F13A1: variants seen among roughly 807,000 people sequenced by gnomAD.
F13A1 encodes FSF, A subunit.
F13A1 carries 47 observed loss-of-function variants against 80.1 expected under a neutral mutation model. The ratio of observed to expected loss-of-function variants is 0.59; its 90% CI spans 0.46 to 0.75. The LOEUF (loss-of-function observed/expected upper bound fraction) is 0.75, where lower values mean the gene tolerates loss of function less well. F13A1 is among the 30% of genes least tolerant of loss of function. The pLI is 0.00. For synonymous variants in F13A1, 349 were observed against 344.9 expected, an observed-to-expected ratio of 1.01 and a Z score of -0.13; for missense variants, 817 against 930.4, an observed-to-expected ratio of 0.88 and a Z score of 1.59.
chr6:6,146,982 G>A (rs959137211), intron 14 of F13A1, among the ~76,000 whole-genome samples: 1 of 152,184 alleles, frequency 6.6e-6, no homozygotes, highest in Non-Finnish European at 1.5e-5. Context: ...CCATAAAAAG[G>A]AATGAAACAA....
chr6:6,248,570 A>C, intron 5 of F13A1, 151 bp from the exon 6 acceptor site: 1 of 686,248 alleles, frequency 1.5e-6, no homozygotes, highest in Admixed American at 2.3e-5. Flanking sequence ...ATGAAATATT[A>C]AAGTAGAAGG....
intron 4 of F13A1, among the ~76,000 whole-genome samples, chr6:6,264,307 A>C (rs1757815432): frequency 6.6e-6 from 1 of 152,238 alleles, no homozygotes; most frequent in African/African-American, 2.4e-5. Context: ...AAGTCTGGGT[A>C]AATTATAGCA....
intron 6 of F13A1, among the ~76,000 whole-genome samples, chr6:6,233,269 A>C (rs1757375503): frequency 6.6e-6 from 1 of 152,188 alleles, no homozygotes; most frequent in Admixed American, 6.5e-5. Flanking sequence ...AGGAGATATT[A>C]CAACTGACAC....
At chr6:6,170,707 A>T (rs1483786968) in intron 12 of F13A1, among the ~76,000 whole-genome samples, 1 of 152,184 alleles carries the variant, frequency 6.6e-6, no homozygotes, top group African/African-American at 2.4e-5. Context: ...AGCTGATTCC[A>T]GCACACACAT....
chr6:6,255,125 A>G (rs1711508829), intron 4 of F13A1, among the ~76,000 whole-genome samples: 1 of 152,208 alleles, frequency 6.6e-6, no homozygotes, highest in South Asian at 2.1e-4. Context: ...TTAGTGCCCT[A>G]TGGAGGCGGG....
At chr6:6,195,943 C>T in intron 9 of F13A1, 58 bp from the exon 10 acceptor site, 1 of 1,479,874 alleles carries the variant, frequency 6.8e-7, no homozygotes, top group Non-Finnish European at 9.4e-7. Context: ...TGTCCAGATA[C>T]TGCAAGATTC....
At chr6:6,294,116 T>A (rs1264738550) in intron 3 of F13A1, among the ~76,000 whole-genome samples, 1 of 152,188 alleles carries the variant, frequency 6.6e-6, no homozygotes, top group Non-Finnish European at 1.5e-5. Context: ...AAAAAAAAGT[T>A]TTTTTAAGTA....
At chr6:6,310,685 G>C (rs2113193258) in intron 2 of F13A1, among the ~76,000 whole-genome samples, 1 of 152,298 alleles carries the variant, frequency 6.6e-6, no homozygotes, top group African/African-American at 2.4e-5. Flanking sequence ...AAGTTGGTGT[G>C]AGGATTAAAT....
intron 8 of F13A1, among the ~76,000 whole-genome samples, chr6:6,201,897 C>G (rs1294269171): frequency 1.3e-5 from 2 of 152,088 alleles, no homozygotes; most frequent in Non-Finnish European, 2.9e-5. Flanking sequence ...TTTCAATATA[C>G]AGTAGTGTCA....
chr6:6,207,201 G>C (rs575402059), intron 8 of F13A1, among the ~76,000 whole-genome samples: 1 of 152,234 alleles, frequency 6.6e-6, no homozygotes, highest in Non-Finnish European at 1.5e-5. Flanking sequence ...AGCCTCAGTA[G>C]CTTTGCAAAC....
intron 4 of F13A1, among the ~76,000 whole-genome samples, chr6:6,257,512 C>T (rs1298464892): frequency 1.3e-5 from 2 of 152,092 alleles, no homozygotes; most frequent in African/African-American, 2.4e-5. Flanking sequence ...TGCTTCTTTC[C>T]TTTTAGCCCC....
chr6:6,195,316 AG>A (rs1320326127), intron 10 of F13A1, among the ~76,000 whole-genome samples: 1 of 152,154 alleles, frequency 6.6e-6, no homozygotes, highest in East Asian at 1.9e-4. Flanking sequence ...CCCTGGCCAC[AG>A]GTGATGGTGT....
In F13A1 at chr6:6,281,240, A is replaced by G. The variant is rs555199826; in HGVS notation, c.320-14431T>C. On this transcript the variant is annotated intron_variant, in intron 3 of 14. Coordinates refer to ENST00000264870, the MANE Select transcript of F13A1 (RefSeq NM_000129.4). ...ATTCCTTCATATCTTAAATGAATAA[A>G]TTGCCATAATAGAATTTCACTCATT... Among the ~76,000 whole-genome samples the G allele has an allele frequency of 5.3e-5, 8 of 152,358 alleles. No individual in the cohort carries two copies. In the South Asian group the frequency reaches 1.7e-3, roughly 32 times the overall value.
intron 12 of F13A1, among the ~76,000 whole-genome samples, chr6:6,168,610 A>G (rs978907048): frequency 2.0e-5 from 3 of 152,196 alleles, no homozygotes; most frequent in Non-Finnish European, 2.9e-5. Context: ...ACCTTCACAG[A>G]ACTGAATGTC....
intron 2 of F13A1, among the ~76,000 whole-genome samples, chr6:6,315,110 A>G (rs1248703760): frequency 6.6e-6 from 1 of 152,232 alleles, no homozygotes; most frequent in African/African-American, 2.4e-5. Context: ...AATTACTGCT[A>G]CAAATGGTCG....
At chr6:6,242,709 A>AC (rs979899172) in intron 6 of F13A1, among the ~76,000 whole-genome samples, 4 of 152,050 alleles carry the variant, frequency 2.6e-5, no homozygotes, top group African/African-American at 9.7e-5. Context: ...AGAGCAAATA[A>AC]CCCTCTACTA....
chr6:6,318,410 T>G, intron 2 of F13A1, 125 bp downstream of exon 2: 1 of 1,236,938 alleles, frequency 8.1e-7, no homozygotes, highest in Non-Finnish European at 1.1e-6. Context: ...AAACCAGAGA[T>G]TGGCAGGGGG....
intron 2 of F13A1, among the ~76,000 whole-genome samples, chr6:6,306,070 C>A (rs998249723): frequency 6.6e-6 from 1 of 152,188 alleles, no homozygotes; most frequent in African/African-American, 2.4e-5. Context: ...CAAAAAGGGT[C>A]AAATGCCTCC....
At chr6:6,217,006 A>G (rs1437815286) in intron 8 of F13A1, among the ~76,000 whole-genome samples, 1 of 145,714 alleles carries the variant, frequency 6.9e-6, no homozygotes, top group Non-Finnish European at 1.5e-5. Context: ...TAGAATGGCA[A>G]TCATTAAAAA....
Sources: gnomAD v4.1 joint callset for allele counts (sites outside exome capture counted in the v4.1 genomes callset) on GRCh38, gnomAD v4.1.1 for gene constraint, MANE v1.5 for transcripts, NCBI Gene and HGNC (gene_info 2026-07-23, HGNC 2026-07-21) for gene names.